Variants in MYCBP2 observed in about 807,000 individuals in gnomAD.
MYCBP2 encodes E3 ubiquitin-protein ligase MYCBP2.
In MYCBP2, 120 loss-of-function variants were observed where a neutral mutation model predicts 525.3. That is an observed-to-expected ratio of 0.23 (90% CI 0.20 to 0.27). The LOEUF (loss-of-function observed/expected upper bound fraction) is 0.27. Among genes scored for constraint, MYCBP2 ranks in the 10% least tolerant of loss-of-function variants. The pLI is 1.00. For synonymous variants in MYCBP2, 1,894 were observed against 1,955.8 expected, an observed-to-expected ratio of 0.97 and a Z score of 0.83; for missense variants, 4,149 against 5,657.1, an observed-to-expected ratio of 0.73 and a Z score of 8.55.
At chr13:77,216,906 A>G (rs529069594) in intron 21 of MYCBP2, among the ~76,000 whole-genome samples, 2 of 152,330 alleles carry the variant, frequency 1.3e-5, no homozygotes, top group East Asian at 3.8e-4. Flanking sequence ...GACATTGTCA[A>G]AGGATTTGAG....
At chr13:77,191,610 G>T in intron 28 of MYCBP2, 69 bp downstream of exon 28, 1 of 1,545,366 alleles carries the variant, frequency 6.5e-7, no homozygotes, top group African/African-American at 1.4e-5. Flanking sequence ...AAAGTACTCT[G>T]AATTTTCAAA....
At position 77,061,290 on chromosome 13, in the gene MYCBP2, T is replaced by C. The variant is rs1032606874; in HGVS notation, c.12915A>G (p.Glu4305=). The part of the protein sequence containing the change: ...TKTHQRQVFK[E]EEEAIKVDLH... ...GGTCAACCTTTATAGCTTCTTCTTC[T>C]TCTTTGAAGACCTATTATTTCATTA... The change falls in exon 76 of 83, where the codon GAA becomes GAG. Residue 4305 remains glutamate, a synonymous_variant. Coordinates refer to ENST00000544440, the MANE Select transcript of MYCBP2 (RefSeq NM_015057.5). 4.0e-5 allele frequency: 64 copies of C among 1,606,736 alleles called. No individual in the cohort carries two copies. Among genetic ancestry groups the C allele is most frequent in the Non-Finnish European group, 5.4e-5 (63 of 1,177,250 alleles).
At chr13:77,236,996 T>C (rs951868501) in intron 17 of MYCBP2, among the ~76,000 whole-genome samples, 4 of 152,226 alleles carry the variant, frequency 2.6e-5, no homozygotes, top group Non-Finnish European at 4.4e-5. Context: ...TAAAACAATG[T>C]GAATTATCTG....
At chr13:77,070,576 A>G in intron 69 of MYCBP2, 55 bp downstream of exon 69, 1 of 1,214,248 alleles carries the variant, frequency 8.2e-7, no homozygotes, top group Non-Finnish European at 1.2e-6. Flanking sequence ...ACAAACAAAC[A>G]CACACACACA....
chr13:77,166,658 A>G (rs2058550365), intron 40 of MYCBP2, 104 bp from the exon 41 acceptor site: 1 of 662,938 alleles, frequency 1.5e-6, no homozygotes, highest in Admixed American at 3.1e-5. Context: ...ATTAAATGAC[A>G]CAACAGGATA....
Position 77,051,103 on chromosome 13 carries a change from C to T in MYCBP2, c.13815G>A (p.Val4605=). 1 of 1,613,396 alleles carries T rather than the reference C, an allele frequency of 6.2e-7. No homozygotes were observed. Residue 4605 remains valine (V), a synonymous_variant, in exon 82 of 83, where the codon GTG becomes GTA. Coordinates refer to ENST00000544440, the MANE Select transcript of MYCBP2 (RefSeq NM_015057.5). ...LEYKCRYCCS[V]AVFFCFGTTH... ...TTGTTCCAAAACAGAAAAAAACAGC[C>T]ACTGAACAGCAGTAGCGACATTTAT...
intron 34 of MYCBP2, among the ~76,000 whole-genome samples, 167 bp from the exon 35 acceptor site, chr13:77,178,121 T>C (rs557192554): frequency 6.6e-6 from 1 of 152,372 alleles, no homozygotes; most frequent in South Asian, 2.1e-4. Flanking sequence ...CCAGATTTTA[T>C]CATTCTAAAT....
At chr13:77,175,176 C>T (rs1244603246) in intron 36 of MYCBP2, among the ~76,000 whole-genome samples, 1 of 150,772 alleles carries the variant, frequency 6.6e-6, no homozygotes, top group East Asian at 2.0e-4. Flanking sequence ...AAGTGATCCT[C>T]CCTCCCTGGT....
At position 77,081,718 on chromosome 13, in the gene MYCBP2, A is replaced by G. The variant is rs1053378325; in HGVS notation, c.11194-67T>C. On this transcript the variant is annotated intron_variant, in intron 64 of 82. Coordinates refer to ENST00000544440, the MANE Select transcript of MYCBP2 (RefSeq NM_015057.5). The surrounding 1 kb of genome is among the most constrained non-coding windows in gnomAD (Gnocchi z 4.6). ...AATCTTTCGTGATGATAAAACAAAC[A>G]GGTATAAGATAAAACATAATGGAAG... is the stretch of plus-strand genomic sequence containing the variant. The G allele has an allele frequency of 1.3e-6, 2 of 1,533,370 alleles. No homozygotes were observed. The highest frequency in any genetic ancestry group is 3.9e-5 in the Admixed American group (2 of 50,648). 95.0% of individuals were successfully genotyped at this position (1,533,370 alleles called of 1,614,324 possible). A position where few individuals can be genotyped will look rare whatever the true frequency, so the allele number is the denominator to read the frequency against.
rs902570584 is a variant in MYCBP2, at chr13:77,177,865, G to A, written c.5223C>T (p.Asn1741=). The change falls in exon 35 of 83, where the codon AAC becomes AAT. Residue 1741 remains asparagine, a synonymous_variant. Transcript: ENST00000544440. ...TSQGRSWNTG[N]GSPDAICFSV... ...AAAAACAGATTGCATCAGGGGACCC[G>A]TTCCCAGTGTTCCAACTTCTGCCCT... 6 of 1,613,312 alleles carry A rather than the reference G, an allele frequency of 3.7e-6. No individual in the cohort carries two copies. Among genetic ancestry groups the A allele is most frequent in the East Asian group, 2.2e-5 (1 of 44,868 alleles).
At chr13:77,099,196 A>G (rs938908503) in intron 55 of MYCBP2, 183 bp from the exon 56 acceptor site, 10 of 787,228 alleles carry the variant, frequency 1.3e-5, no homozygotes, top group Middle Eastern at 2.8e-4. Flanking sequence ...TCTACACATC[A>G]TTACACAACA....
rs780777527 is a variant in MYCBP2 at position 77,212,083 on chromosome 13, T to G, written c.3135A>C (p.Ser1045=). The change falls in exon 22 of 83, where the codon TCA becomes TCC. Residue 1045 remains serine, a synonymous_variant. Coordinates refer to ENST00000544440, the MANE Select transcript of MYCBP2 (RefSeq NM_015057.5). ...AKPAPMPNIG[S]KYGRKATWIG... ...TCCAAGTAGCTTTTCTTCCATATTT[T>G]GATCCAATGTTAGGCATGGGAGCTG... 1.2e-6 allele frequency: 2 copies of G among 1,614,028 alleles called. No homozygotes were observed. The highest frequency in any genetic ancestry group is 1.7e-6 in the Non-Finnish European group (2 of 1,179,998).
intron 17 of MYCBP2, among the ~76,000 whole-genome samples, chr13:77,234,606 G>C (rs1317057006): frequency 1.3e-5 from 2 of 151,904 alleles, no homozygotes; most frequent in Non-Finnish European, 2.9e-5. Flanking sequence ...AATGTTAACA[G>C]AAGAATAAGT....
At chr13:77,272,064 T>C (rs1429724924) in intron 5 of MYCBP2, among the ~76,000 whole-genome samples, 1 of 152,238 alleles carries the variant, frequency 6.6e-6, no homozygotes, top group Non-Finnish European at 1.5e-5. Context: ...TTGTGTTGTC[T>C]AGTGATTGAG....
chr13:77,049,758 C>T (rs897222316), intron 82 of MYCBP2, among the ~76,000 whole-genome samples: 6 of 152,074 alleles, frequency 3.9e-5, no homozygotes, highest in African/African-American at 1.2e-4. Flanking sequence ...GCCTCAGCCT[C>T]GTGAGTAGCT....
At chr13:77,157,858 A>C (rs1336184424) in intron 45 of MYCBP2, 79 bp downstream of exon 45, 10 of 1,192,038 alleles carry the variant, frequency 8.4e-6, no homozygotes, top group Non-Finnish European at 1.1e-5. Context: ...GTATTTTAAT[A>C]TTCTAATGAC....
intron 49 of MYCBP2, among the ~76,000 whole-genome samples, chr13:77,141,727 C>T (rs904014563): frequency 1.4e-4 from 21 of 148,234 alleles, no homozygotes; most frequent in African/African-American, 4.3e-4. Context: ...GCAGGGATCG[C>T]GCCACTGCAT....
intron 4 of MYCBP2, among the ~76,000 whole-genome samples, chr13:77,274,378 T>C (rs1012937315): frequency 3.9e-5 from 6 of 152,154 alleles, no homozygotes. Context: ...CATCTGGGTA[T>C]TTCTTCCATA....
chr13:77,070,930 C>T (rs547461290), intron 68 of MYCBP2, among the ~76,000 whole-genome samples: 2 of 152,074 alleles, frequency 1.3e-5, no homozygotes, highest in Non-Finnish European at 2.9e-5. Flanking sequence ...GAAGTATATT[C>T]TCCTTTCACA....
Sources: gnomAD v4.1 joint callset for allele counts (sites outside exome capture counted in the v4.1 genomes callset) on GRCh38, gnomAD v4.1.1 for gene constraint, Gnocchi (gnomAD v3.1) non-coding constraint, MANE v1.5 for transcripts, NCBI Gene and HGNC (gene_info 2026-07-23, HGNC 2026-07-21) for gene names.